Variants in LMF1 observed in about 807,000 individuals in gnomAD.
LMF1 encodes lipase maturation factor 1.
Under a neutral mutation model 60.6 loss-of-function variants are expected in LMF1, and 68 were observed. The ratio of observed to expected loss-of-function variants is 1.12; its 90% CI spans 0.92 to 1.37. The LOEUF (loss-of-function observed/expected upper bound fraction) is 1.37. Ranked by LOEUF, LMF1 falls within the 40% of genes most tolerant of loss-of-function variation. LMF1 has a pLI of 0.00. For synonymous variants in LMF1, 418 were observed against 324.7 expected (o/e 1.29, Z -3.09); for missense variants, 948 against 767.2 (o/e 1.24, Z -2.78).
intron 1 of LMF1, among the ~76,000 whole-genome samples, chr16:955,098 G>C (rs117920025): frequency 1.8e-5 from 2 of 111,520 alleles, no homozygotes; most frequent in South Asian, 3.3e-4. Flanking sequence ...CAGACGCGGT[G>C]TGTGCACACA....
At chr16:877,172 A>C (rs2151710485) in intron 6 of LMF1, among the ~76,000 whole-genome samples, 1 of 152,318 alleles carries the variant, frequency 6.6e-6, no homozygotes, top group East Asian at 1.9e-4. Context: ...GCTCTACAAA[A>C]AATGAAAAAT....
chr16:905,801 G>T (rs927949139), intron 4 of LMF1, among the ~76,000 whole-genome samples: 2 of 151,838 alleles, frequency 1.3e-5, no homozygotes, highest in East Asian at 3.9e-4. Flanking sequence ...TTCTTTCAGG[G>T]TCTCACTATG....
In LMF1 at chr16:874,315, G is replaced by A. The variant is rs759977189; in HGVS notation, c.898-2974C>T. ...GGGCCTCTGTCTTGAGCGGGCGTGG[G>A]GTGCAGCCACCACAGGGCAAGGAGC... On this transcript the variant is annotated intron_variant, in intron 6 of 10. Coordinates refer to ENST00000262301, the MANE Select transcript of LMF1 (RefSeq NM_022773.4). The surrounding 1 kb of genome is among the most constrained non-coding windows in gnomAD (Gnocchi z 4.1). Among the ~76,000 whole-genome samples the A allele has an allele frequency of 1.6e-4, 25 of 152,174 alleles. No homozygotes were observed. The Middle Eastern group carries it at 0.014, about 83-fold the overall frequency.
chr16:971,553 C>T (rs1219554375), upstream of LMF1, among the ~76,000 whole-genome samples: 1 of 152,238 alleles, frequency 6.6e-6, no homozygotes, highest in Non-Finnish European at 1.5e-5. Flanking sequence ...TCCGCCTTTG[C>T]ACAACCCAGC....
At position 962,909 on chromosome 16, in the gene LMF1, A is replaced by G. The variant is rs1459337301; in HGVS notation, c.193+7879T>C. On this transcript the variant is annotated intron_variant, in intron 1 of 10. Transcript: ENST00000262301. The surrounding 1 kb of genome is among the most constrained non-coding windows in gnomAD (Gnocchi z 4.5). The stretch of plus-strand genomic sequence containing the variant: ...GAAGCGCTGTGAGCAGCCTCCCTCC[A>G]AGGCAGTGGGAGCAGGGCCACAGGC... Among the ~76,000 whole-genome samples, 1 of 152,186 alleles carries G rather than the reference A, an allele frequency of 6.6e-6. No homozygotes were observed. The highest frequency in any genetic ancestry group is 1.5e-5 in the Non-Finnish European group (1 of 68,036).
intron 5 of LMF1, among the ~76,000 whole-genome samples, chr16:889,717 T>C (rs7191385): frequency 0.41 from 62,727 of 151,990 alleles, 14,814 homozygotes; most frequent in African/African-American, 0.63. Context: ...GGCTCGGGGG[T>C]TGCAGGCAGG....
intron 3 of LMF1, among the ~76,000 whole-genome samples, chr16:927,285 C>G (rs1000679063): frequency 6.6e-6 from 1 of 152,220 alleles, no homozygotes; most frequent in Non-Finnish European, 1.5e-5. Flanking sequence ...AAGAACACGA[C>G]CAGACACTGA....
intron 10 of LMF1, among the ~76,000 whole-genome samples, chr16:859,153 C>CAGTGGTGTCTCGGGACTGGTGTG (rs1567135663): frequency 1.5e-3 from 118 of 79,162 alleles, no homozygotes; most frequent in African/African-American, 7.2e-3. Context: ...GACGGGTGTG[C>CAGTGGTGTCTCGGGACTGGTGTG]AGTGGTGTCT....
rs1402966307 is a variant in LMF1, at chr16:970,088, G to A, written c.193+700C>T. Among the ~76,000 whole-genome samples the A allele has an allele frequency of 6.6e-5, 10 of 152,370 alleles. 1 individual carries two copies. The East Asian group carries it at 1.9e-3, about 29-fold the overall frequency. On this transcript the variant is annotated intron_variant, in intron 1 of 10. Coordinates refer to ENST00000262301, the MANE Select transcript of LMF1 (RefSeq NM_022773.4). Reference sequence around the variant, plus strand: ...CAGTGAGGCGCAGGCTTCACTTGCAGATGAGGTTCCGGAGCTGCCCCCAGA... The same window carrying A: ...CAGTGAGGCGCAGGCTTCACTTGCAAATGAGGTTCCGGAGCTGCCCCCAGA...
At chr16:975,723 C>T (rs1213994471), upstream of LMF1, 1 of 441,030 alleles carries the variant, frequency 2.3e-6, no homozygotes, top group Admixed American at 2.4e-5. Context: ...GCCTTCCTTC[C>T]CCACGCTCAG....
At chr16:870,937 C>G (rs1482157224) in intron 7 of LMF1, 55 bp from the exon 8 acceptor site, 2 of 1,536,818 alleles carry the variant, frequency 1.3e-6, no homozygotes, top group East Asian at 4.8e-5. Flanking sequence ...CGTGGCCTGT[C>G]CCTGGGGAGA....
chr16:860,833 G>A (rs582349), intron 10 of LMF1, among the ~76,000 whole-genome samples: 2 of 152,168 alleles, frequency 1.3e-5, no homozygotes, highest in Non-Finnish European at 2.9e-5. Flanking sequence ...CCATGGAATT[G>A]CATGTCTGTC....
intron 3 of LMF1, among the ~76,000 whole-genome samples, chr16:914,848 G>C (rs1186913807): frequency 6.4e-5 from 5 of 77,810 alleles, no homozygotes; most frequent in Non-Finnish European, 1.3e-4. Flanking sequence ...ATGACCATTG[G>C]TGACAAAATT....
chr16:882,297 C>A (rs976321447), intron 5 of LMF1, among the ~76,000 whole-genome samples: 1 of 152,250 alleles, frequency 6.6e-6, no homozygotes, highest in Non-Finnish European at 1.5e-5. Flanking sequence ...GAGCATGGCT[C>A]GCCTCCCCTG....
At position 923,994 on chromosome 16, in the gene LMF1, G is replaced by A. The variant is rs187842438; in HGVS notation, c.514+10250C>T. Among the ~76,000 whole-genome samples the A allele has an allele frequency of 2.2e-3, 341 of 152,268 alleles. 1 individual carries two copies. Among genetic ancestry groups the A allele is most frequent in the African/African-American group, 7.4e-3 (306 of 41,538 alleles). On this transcript the variant is annotated intron_variant, in intron 3 of 10. Transcript: ENST00000262301. ...AACGAAGCCAATCAAAATAGAAAAG[G>A]CAACTATGAACTCCAGGAAAAATGA...
intron 1 of LMF1, 150 bp from the exon 2 acceptor site, chr16:954,816 T>G: frequency 1.4e-6 from 1 of 710,768 alleles, no homozygotes; most frequent in Non-Finnish European, 2.3e-6. Context: ...CTCAGGAGTC[T>G]GAGTACTTTC....
At chr16:975,261 C>T (rs1030513991), upstream of LMF1, among the ~76,000 whole-genome samples, 9 of 152,190 alleles carry the variant, frequency 5.9e-5, no homozygotes, top group Non-Finnish European at 8.8e-5. Flanking sequence ...GTGGAAAGCA[C>T]AGCTCCCAAT....
chr16:904,370 CTGCTGCGTGGGG>C (rs2070913722), intron 4 of LMF1, among the ~76,000 whole-genome samples: 1 of 101,892 alleles, frequency 9.8e-6, no homozygotes, highest in Non-Finnish European at 2.0e-5. Flanking sequence ...ACGCCTGTCT[CTGCTGCGTGGGG>C]TGACCTCTGC....
In LMF1 at chr16:889,853, G is replaced by A. The variant is rs549904075; in HGVS notation, c.729+3154C>T. Among the ~76,000 whole-genome samples, 5 of 152,290 alleles carry A rather than the reference G, an allele frequency of 3.3e-5. No homozygotes were observed. The East Asian group carries it at 7.8e-4, about 24-fold the overall frequency. On this transcript the variant is annotated intron_variant, in intron 5 of 10. Coordinates refer to ENST00000262301, the MANE Select transcript of LMF1 (RefSeq NM_022773.4). ...GCCTCGTCATCAAGACACACGGGAG[G>A]GAGCATCCTCGTCCGAGACACAAGT...
Sources: gnomAD v4.1 joint callset for allele counts (sites outside exome capture counted in the v4.1 genomes callset) on GRCh38, gnomAD v4.1.1 for gene constraint, Gnocchi (gnomAD v3.1) non-coding constraint, MANE v1.5 for transcripts, NCBI Gene and HGNC (gene_info 2026-07-23, HGNC 2026-07-21) for gene names.